Variants in IFT172 observed in about 807,000 individuals in gnomAD.
IFT172 encodes the protein intraflagellar transport 172, also known as intraflagellar transport protein 172 homolog.
IFT172 carries 164 observed loss-of-function variants against 248.9 expected under a neutral mutation model. The observed-to-expected ratio is 0.66, with a 90% CI of 0.58 to 0.75. The LOEUF is 0.75. Ranked by LOEUF, IFT172 falls within the 30% of genes least tolerant of loss-of-function variation. The pLI, the probability that IFT172 is intolerant of heterozygous loss-of-function variation, is 0.00. For missense variants in IFT172, 1,950 were observed against 2,192.4 expected, an observed-to-expected ratio of 0.89 and a Z score of 2.21; for synonymous variants, 729 against 791.6, an observed-to-expected ratio of 0.92 and a Z score of 1.33.
Position 27,459,564 on chromosome 2 carries a change from T to C in IFT172, c.2643-42A>G, listed in dbSNP as rs779917509. 8 of 1,610,438 alleles carry C rather than the reference T, an allele frequency of 5.0e-6. No individual in the cohort carries two copies. The East Asian group carries it at 6.7e-5, about 13-fold the overall frequency. ...AGATATAAATATGTAGGATGAAAGA[T>C]GAAGATGAATGGAGGTAAAAGGACC... is the stretch of plus-strand genomic sequence containing the variant. On this transcript the variant is annotated intron_variant, in intron 24 of 47. Transcript: ENST00000260570.
Position 27,479,289 on chromosome 2 carries a change from GCCA to G in IFT172, c.1005+217_1005+219del, listed in dbSNP as rs559301312. On this transcript the variant is annotated intron_variant, in intron 10 of 47. Coordinates refer to ENST00000260570, the MANE Select transcript of IFT172 (RefSeq NM_015662.3). ...CAAAGTGCTGGGATTACAGGCATGA[GCCA>G]CTGTGTCCAGCCAAAACTTTTCTTA... 1.6e-4 allele frequency among the ~76,000 whole-genome samples: 24 copies of G among 152,336 alleles called. No individual in the cohort carries two copies. The South Asian group carries it at 4.6e-3, about 29-fold the overall frequency.
At chr2:27,473,785 G>T (rs1439360683) in intron 14 of IFT172, among the ~76,000 whole-genome samples, 2 of 152,036 alleles carry the variant, frequency 1.3e-5, no homozygotes, top group African/African-American at 4.8e-5. Context: ...GCCCAAAAAA[G>T]TTAAGAGAAG....
intron 4 of IFT172, 37 bp downstream of exon 4, chr2:27,484,190 T>C: frequency 6.2e-7 from 1 of 1,613,646 alleles, no homozygotes; most frequent in Non-Finnish European, 8.5e-7. Flanking sequence ...TATATGTTTG[T>C]TCATCCTAAG....
chr2:27,450,342 G>C (rs1665544403), intron 35 of IFT172, among the ~76,000 whole-genome samples: 1 of 152,122 alleles, frequency 6.6e-6, no homozygotes, highest in Admixed American at 6.5e-5. Context: ...GCTGCCTGAG[G>C]TCACTGCATT....
At chr2:27,444,599 G>T in intron 47 of IFT172, 78 bp from the exon 48 acceptor site, 1 of 1,080,734 alleles carries the variant, frequency 9.3e-7, no homozygotes, top group Non-Finnish European at 1.4e-6. Flanking sequence ...AGGCTTCAGG[G>T]TCTGCATCTG....
chr2:27,463,869 G>A (rs1038379891), intron 18 of IFT172, among the ~76,000 whole-genome samples: 2 of 152,086 alleles, frequency 1.3e-5, no homozygotes, highest in Non-Finnish European at 2.9e-5. Context: ...GGAGACTAAT[G>A]GGCAAGCAGG....
Position 27,472,338 on chromosome 2 carries a change from A to G in IFT172, c.1436T>C (p.Ile479Thr). 1.2e-6 allele frequency: 2 copies of G among 1,614,104 alleles called. No homozygotes were observed. The highest frequency in any genetic ancestry group is 1.7e-6 in the Non-Finnish European group (2 of 1,179,966). ...ACGGCTCTCATGGCTGACGGTGCCAATGTTGTAGCCACCAATCAGATCCAC... is the reference window on the plus strand; with the variant it reads ...ACGGCTCTCATGGCTGACGGTGCCAGTGTTGTAGCCACCAATCAGATCCAC... ...AIVDLIGGYN[I>T]GTVSHESRVD... The change falls in exon 15 of 48, where the codon ATT becomes ACT. Residue 479 changes from isoleucine (I) to threonine (T), a missense_variant. Ile to Thr is a moderately conservative substitution (Grantham distance 89, BLOSUM62 -1). Coordinates refer to ENST00000260570, the MANE Select transcript of IFT172 (RefSeq NM_015662.3).
At chr2:27,488,294 C>T (rs1668909217) in intron 1 of IFT172, among the ~76,000 whole-genome samples, 2 of 152,152 alleles carry the variant, frequency 1.3e-5, no homozygotes, top group African/African-American at 4.8e-5. Flanking sequence ...GCTGGGATTA[C>T]AGGCGGCTGC....
intron 30 of IFT172, chr2:27,455,721 C>CA: frequency 2.7e-6 from 1 of 365,658 alleles, no homozygotes; most frequent in Non-Finnish European, 5.2e-6. Context: ...AGAAAAAAAA[C>CA]AAAAAAGAAA....
chr2:27,473,549 A>T (rs1270138717), intron 14 of IFT172, among the ~76,000 whole-genome samples: 1 of 151,068 alleles, frequency 6.6e-6, no homozygotes, highest in African/African-American at 2.4e-5. Context: ...TGACCTCGTG[A>T]TCCGCCTGTC....
At chr2:27,448,767 T>C (rs190289232) in intron 40 of IFT172, 148 bp downstream of exon 40, 2 of 666,156 alleles carry the variant, frequency 3.0e-6, no homozygotes, top group Non-Finnish European at 5.5e-6. Context: ...AGAGAGGCTG[T>C]ACATTTCTGG....
intron 13 of IFT172, chr2:27,476,931 C>T (rs775131369): frequency 2.2e-5 from 13 of 589,792 alleles, no homozygotes; most frequent in Non-Finnish European, 3.9e-5. Flanking sequence ...CCGGGTGATT[C>T]TCCTACCTCA....
Position 27,458,118 on chromosome 2 carries a change from C to T in IFT172, c.2975+8G>A, listed in dbSNP as rs750348734. 31 of 1,613,526 alleles carry T rather than the reference C, an allele frequency of 1.9e-5. No individual in the cohort carries two copies. The highest frequency in any genetic ancestry group is 3.3e-5 in the Admixed American group (2 of 59,998). ...TCCCTCTACACCTCCTCTGGGGCCA[C>T]GGCTCACCTTTCAGCCTCACGGTAC... On this transcript the variant is annotated splice_region_variant and intron_variant, in intron 27 of 47. Coordinates refer to ENST00000260570, the MANE Select transcript of IFT172 (RefSeq NM_015662.3).
chr2:27,484,312 C>T, intron 3 of IFT172, 46 bp from the exon 4 acceptor site: 1 of 1,607,148 alleles, frequency 6.2e-7, no homozygotes, highest in Non-Finnish European at 8.5e-7. Context: ...CACTTCCAGG[C>T]CGGGCGTGGT....
chr2:27,479,659 G>A (rs1352548910), intron 9 of IFT172, 55 bp from the exon 10 acceptor site: 9 of 1,110,526 alleles, frequency 8.1e-6, no homozygotes, highest in Non-Finnish European at 4.1e-6. Context: ...CTGGCATGGG[G>A]AGAGTATCTA....
chr2:27,466,111 A>AGT, intron 16 of IFT172: 1 of 551,818 alleles, frequency 1.8e-6, no homozygotes, highest in Non-Finnish European at 3.2e-6. Context: ...GGAGGTATAA[A>AGT]GTGTGGCATT....
At chr2:27,470,643 C>T in intron 16 of IFT172, 1 of 294,702 alleles carries the variant, frequency 3.4e-6, no homozygotes, top group Non-Finnish European at 6.3e-6. Context: ...TTAGAACTGC[C>T]TCTCCTATCA....
intron 16 of IFT172, among the ~76,000 whole-genome samples, chr2:27,470,074 C>T (rs574977945): frequency 1.3e-5 from 2 of 151,708 alleles, no homozygotes; most frequent in African/African-American, 4.8e-5. Flanking sequence ...AAAAAAGGTG[C>T]TTAAAGAAAT....
Position 27,447,557 on chromosome 2 carries a change from A to G in IFT172, c.4617T>C (p.His1539=), listed in dbSNP as rs1266021624. ...EEFKTMLLIA[H]YYATRSAAQS... ...GGGCTGCAGAGCGCGTGGCATAGTA[A>G]TGAGCGATCAGCAGCATCGTCTTGA... is the stretch of plus-strand genomic sequence containing the variant. The change falls in exon 42 of 48, where the codon CAT becomes CAC. Residue 1539 remains histidine, a synonymous_variant. Coordinates refer to ENST00000260570, the MANE Select transcript of IFT172 (RefSeq NM_015662.3). The G allele has an allele frequency of 3.1e-6, 5 of 1,614,112 alleles. No homozygotes were observed. Among genetic ancestry groups the G allele is most frequent in the Non-Finnish European group, 4.2e-6 (5 of 1,180,010 alleles).
Sources: gnomAD v4.1 joint callset for allele counts (sites outside exome capture counted in the v4.1 genomes callset) on GRCh38, gnomAD v4.1.1 for gene constraint, MANE v1.5 for transcripts, NCBI Gene and HGNC (gene_info 2026-07-23, HGNC 2026-07-21) for gene names.